EXOC1: variants seen among roughly 807,000 people sequenced by gnomAD.
EXOC1 encodes SEC3-like 1.
Under a neutral mutation model 107.7 loss-of-function variants are expected in EXOC1, and 67 were observed. The ratio of observed to expected loss-of-function variants is 0.62; its 90% CI spans 0.51 to 0.76. The LOEUF is 0.76. Among genes scored for constraint, EXOC1 ranks in the 30% least tolerant of loss-of-function variants. The pLI is 0.00. For missense variants in EXOC1, 833 were observed against 1,055.7 expected (o/e 0.79, Z 2.92); for synonymous variants, 348 against 353.5 (o/e 0.98, Z 0.17).
chr4:55,863,872 A>T (rs897877419), intron 3 of EXOC1, among the ~76,000 whole-genome samples: 1 of 152,208 alleles, frequency 6.6e-6, no homozygotes, highest in Non-Finnish European at 1.5e-5. Flanking sequence ...CTAAAACTCT[A>T]TAGGCAATTT....
Position 55,858,312 on chromosome 4 carries a change from A to T in EXOC1, c.-10-2A>T. 1 of 1,599,800 alleles carries T rather than the reference A, an allele frequency of 6.3e-7. No individual in the cohort carries two copies. Among genetic ancestry groups the T allele is most frequent in the Non-Finnish European group, 8.5e-7 (1 of 1,174,394 alleles). ...TTAATATCTATACTCCACATTTTTCAGCTGAGAAAAGATGACAGCAATCAA... is the reference window on the plus strand; with the variant it reads ...TTAATATCTATACTCCACATTTTTCTGCTGAGAAAAGATGACAGCAATCAA... On this transcript the variant is annotated splice_acceptor_variant, in intron 1 of 18. Transcript: ENST00000381295. LOFTEE classifies it low-confidence loss of function (5UTR_SPLICE).
chr4:55,896,575 AGT>A (rs1299834472), intron 15 of EXOC1, 140 bp from the exon 16 acceptor site: 1 of 532,960 alleles, frequency 1.9e-6, no homozygotes, highest in African/African-American at 2.0e-5. Flanking sequence ...AAGCATCCAA[AGT>A]GTTCTAGGTA....
intron 4 of EXOC1, among the ~76,000 whole-genome samples, chr4:55,867,408 G>C (rs1457870896): frequency 6.6e-6 from 1 of 152,132 alleles, no homozygotes; most frequent in African/African-American, 2.4e-5. Flanking sequence ...AAAGCATCCA[G>C]AGTTTGTGGT....
chr4:55,858,838 A>G (rs1721221392), intron 2 of EXOC1, among the ~76,000 whole-genome samples: 2 of 152,160 alleles, frequency 1.3e-5, no homozygotes, highest in South Asian at 2.1e-4. Context: ...GGTTGTATGC[A>G]TCCCAGTTAG....
chr4:55,890,881 C>T (rs756869680), intron 12 of EXOC1, among the ~76,000 whole-genome samples: 3 of 152,152 alleles, frequency 2.0e-5, no homozygotes, highest in Non-Finnish European at 4.4e-5. Context: ...GTGCCTGCCA[C>T]CACACCCAGC....
At position 55,904,547 on chromosome 4, in the gene EXOC1, C is replaced by T. The variant is rs139810047; in HGVS notation, c.*52C>T. 2.9e-5 allele frequency: 44 copies of T among 1,504,416 alleles called. No individual in the cohort carries two copies. The African/African-American group carries it at 5.5e-4, about 19-fold the overall frequency. 93.2% of individuals were successfully genotyped at this position (1,504,416 alleles called of 1,614,324 possible). On this transcript the variant is annotated 3_prime_UTR_variant, in exon 19 of 19. Transcript: ENST00000381295. ...GAATGAAGCATTTGAGTATAACAGACACTATACCAAAATACCAAGCAACTG... is the reference window on the plus strand; with the variant it reads ...GAATGAAGCATTTGAGTATAACAGATACTATACCAAAATACCAAGCAACTG...
intron 5 of EXOC1, 69 bp from the exon 6 acceptor site, chr4:55,870,609 T>C: frequency 1.4e-6 from 2 of 1,445,056 alleles, no homozygotes; most frequent in Non-Finnish European, 1.9e-6. Flanking sequence ...CTTTTACACA[T>C]CTAAATAACA....
intron 8 of EXOC1, chr4:55,872,842 A>T: frequency 1.1e-6 from 1 of 875,978 alleles, no homozygotes; most frequent in Non-Finnish European, 1.4e-6. Context: ...AGCTTCTCTG[A>T]TTCTGTTTTT....
In EXOC1 at chr4:55,904,429, T is replaced by G. The variant is rs1726388798; in HGVS notation, c.2619T>G (p.Gly873=). The stretch of plus-strand genomic sequence containing the variant: ...TAGCTCGCTGTTATCCTGGATCTGG[T>G]GTTACAATGGAATTCACTATTCAGG... ...GLIARCYPGS[G]VTMEFTIQDI... is the part of the protein sequence containing the mutation. Residue 873 remains glycine, a synonymous_variant, in exon 19 of 19, where the codon GGT becomes GGG. Transcript: ENST00000381295. 1 of 1,613,216 alleles carries G rather than the reference T, an allele frequency of 6.2e-7. No individual in the cohort carries two copies. The highest frequency in any genetic ancestry group is 8.5e-7 in the Non-Finnish European group (1 of 1,179,744).
intron 8 of EXOC1, chr4:55,877,377 T>C: frequency 2.0e-6 from 2 of 985,406 alleles, no homozygotes; most frequent in Non-Finnish European, 2.4e-6. Flanking sequence ...TGGGAAATTG[T>C]ATTTTCAATT....
chr4:55,861,915 G>A lies in EXOC1; in HGVS notation c.255+1374G>A, dbSNP rs113015636. 2.0e-4 allele frequency among the ~76,000 whole-genome samples: 30 copies of A among 152,270 alleles called. 1 individual carries two copies. Among genetic ancestry groups the A allele is most frequent in the African/African-American group, 3.9e-4 (16 of 41,546 alleles). On this transcript the variant is annotated intron_variant, in intron 3 of 18. Coordinates refer to ENST00000381295, the MANE Select transcript of EXOC1 (RefSeq NM_001024924.2). Reference sequence around the variant, plus strand: ...CTAAAATACAAAAAATTAGCTGGGCGTGGCGGCACACGCCTGTAGTCCCAG... The same window carrying A: ...CTAAAATACAAAAAATTAGCTGGGCATGGCGGCACACGCCTGTAGTCCCAG...
intron 12 of EXOC1, 122 bp downstream of exon 12, chr4:55,890,508 C>A (rs1349566229): frequency 2.4e-5 from 11 of 466,292 alleles, no homozygotes; most frequent in Non-Finnish European, 3.9e-5. Context: ...TTAACCATGT[C>A]TTTCCAACTG....
chr4:55,884,175 T>C (rs555679938), intron 10 of EXOC1, among the ~76,000 whole-genome samples: 1 of 152,300 alleles, frequency 6.6e-6, no homozygotes, highest in African/African-American at 2.4e-5. Flanking sequence ...TGTAATCAAA[T>C]ATATATATTC....
intron 1 of EXOC1, among the ~76,000 whole-genome samples, chr4:55,855,902 G>C (rs564158893): frequency 4.1e-4 from 62 of 152,264 alleles, no homozygotes; most frequent in African/African-American, 1.5e-3. Flanking sequence ...AAGGAGGAGA[G>C]GTTGGGTGAA....
In EXOC1 at chr4:55,858,180, T is replaced by C. The variant is rs188204803; in HGVS notation, c.-10-134T>C. ...AACTTACAGCTTTGTATTTTTGTGA[T>C]ATAGGTGTATTCATATATTAAATCA... On this transcript the variant is annotated intron_variant, in intron 1 of 18. Coordinates refer to ENST00000381295, the MANE Select transcript of EXOC1 (RefSeq NM_001024924.2). 2,969 of 678,536 alleles carry C rather than the reference T, an allele frequency of 4.4e-3. 10 individuals are homozygous for C. Among genetic ancestry groups the C allele is most frequent in the Non-Finnish European group, 4.3e-3 (1,890 of 443,874 alleles). 42.0% of individuals were successfully genotyped at this position (678,536 alleles called of 1,614,324 possible). A position where few individuals can be genotyped will look rare whatever the true frequency, so the allele number is the denominator to read the frequency against.
intron 18 of EXOC1, among the ~76,000 whole-genome samples, chr4:55,902,773 T>TTTGG (rs6148450): frequency 0.61 from 90,838 of 149,820 alleles, 27,785 homozygotes; most frequent in Admixed American, 0.71. Context: ...TTTGTTTTTC[T>TTTGG]TTGGTTGGTT....
intron 4 of EXOC1, among the ~76,000 whole-genome samples, chr4:55,864,597 A>G (rs1682895250): frequency 6.6e-6 from 1 of 152,184 alleles, no homozygotes; most frequent in Non-Finnish European, 1.5e-5. Context: ...TTCAGCAATA[A>G]CTACTGTTAG....
At chr4:55,873,650 A>T (rs754354131) in intron 8 of EXOC1, among the ~76,000 whole-genome samples, 6 of 152,228 alleles carry the variant, frequency 3.9e-5, no homozygotes, top group Non-Finnish European at 8.8e-5. Context: ...GTGTTATTAC[A>T]TGTGAGTGAT....
Position 55,902,492 on chromosome 4 carries a change from A to G in EXOC1, c.2486A>G (p.Tyr829Cys). 1 of 1,556,708 alleles carries G rather than the reference A, an allele frequency of 6.4e-7. No homozygotes were observed. The highest frequency in any genetic ancestry group is 8.6e-7 in the Non-Finnish European group (1 of 1,158,798). ...GTAAAAAAAGGTCTAGATAACCTCT[A>G]CAAGAAAGTTGATAAACATTTATGT... ...KEVKKGLDNL[Y>C]KKVDKHLCEE... is the part of the protein sequence containing the mutation. Residue 829 changes from tyrosine to cysteine, a missense_variant, in exon 18 of 19, where the codon TAC becomes TGC. Transcript: ENST00000381295.
Sources: allele counts gnomAD v4.1 joint callset (sites outside exome capture counted in the v4.1 genomes callset), GRCh38; gene constraint gnomAD v4.1.1; transcripts MANE v1.5; gene names NCBI Gene and HGNC (gene_info 2026-07-23, HGNC 2026-07-21).